Variants in ELF2 observed in about 807,000 individuals in gnomAD.
ELF2 encodes the protein ETS-related transcription factor Elf-2.
ELF2 carries 11 observed loss-of-function variants against 54.8 expected under a neutral mutation model. The ratio of observed to expected loss-of-function variants is 0.20; its 90% CI spans 0.13 to 0.33. The LOEUF is 0.33. ELF2 is among the 10% of genes least tolerant of loss of function. The pLI is 1.00. For synonymous variants in ELF2, 203 were observed against 245.1 expected (o/e 0.83, Z 1.61); for missense variants, 513 against 703.0 (o/e 0.73, Z 3.06).
intron 1 of ELF2, among the ~76,000 whole-genome samples, chr4:139,153,700 A>T (rs1740247068): frequency 6.6e-6 from 1 of 152,174 alleles, no homozygotes; most frequent in Admixed American, 6.5e-5. Context: ...TCACCCTGAC[A>T]ATATAAATTA....
chr4:139,135,237 A>ATGTGTGTGTG (rs61122327), intron 3 of ELF2, among the ~76,000 whole-genome samples: 12 of 112,398 alleles, frequency 1.1e-4, no homozygotes, highest in African/African-American at 2.7e-4. Context: ...TACTATATAT[A>ATGTGTGTGTG]TGTGTGTGTG....
intron 7 of ELF2, among the ~76,000 whole-genome samples, chr4:139,062,973 TGGC>T (rs2148665939): frequency 6.6e-6 from 1 of 152,194 alleles, no homozygotes; most frequent in African/African-American, 2.4e-5. Flanking sequence ...ACATTACTGT[TGGC>T]GGGGTGTGGT....
Position 139,137,803 on chromosome 4 carries a change from C to A in ELF2, c.-102G>T. The A allele has an allele frequency of 6.6e-7, 1 of 1,522,508 alleles. No individual in the cohort carries two copies. The allele number at this position is 1,522,508 out of a possible 1,614,324, so 94.3% of individuals were successfully genotyped here. A position where few individuals can be genotyped will look rare whatever the true frequency, so the allele number is the denominator to read the frequency against. On this transcript the variant is annotated 5_prime_UTR_variant, in exon 3 of 10. It removes the in-frame stop codon of an upstream open reading frame in the 5' UTR. Coordinates refer to ENST00000686138, the MANE Select transcript of ELF2 (RefSeq NM_001331036.3). ...GTTTGCATTATCATGTTTTAAAAGT[C>A]AATAGAGATGGAGTGGAGTAGATAT...
At chr4:139,068,166 G>A (rs905097517) in intron 6 of ELF2, among the ~76,000 whole-genome samples, 3 of 152,024 alleles carry the variant, frequency 2.0e-5, no homozygotes, top group Non-Finnish European at 2.9e-5. Context: ...GACTACAGGC[G>A]CCTGCTACCA....
At chr4:139,174,059 T>C (rs1231789549) in intron 1 of ELF2, among the ~76,000 whole-genome samples, 1 of 124,128 alleles carries the variant, frequency 8.1e-6, no homozygotes, top group African/African-American at 3.0e-5. Flanking sequence ...CCATCTCTAC[T>C]AAAAATACAA....
chr4:139,151,080 GA>G lies in ELF2; in HGVS notation c.-251-11584del, dbSNP rs1257335460. ...AGAAAGAAAGAAAGAAAGAAAGAAA[GA>G]AAGAAAGAAAGAAAAAGAGAGCTAT... On this transcript the variant is annotated intron_variant, in intron 1 of 9. Transcript: ENST00000686138. 1.6e-5 allele frequency among the ~76,000 whole-genome samples: 2 copies of G among 126,500 alleles called. 1 individual carries two copies. Among genetic ancestry groups the G allele is most frequent in the African/African-American group, 5.8e-5 (2 of 34,412 alleles). The allele number at this position is 126,500 out of a possible 152,430, so 83.0% of individuals were successfully genotyped here.
chr4:139,085,069 A>C (rs1731827733), intron 4 of ELF2, among the ~76,000 whole-genome samples: 1 of 152,226 alleles, frequency 6.6e-6, no homozygotes, highest in African/African-American at 2.4e-5. Context: ...GCTCACTTGG[A>C]AACAAATTTA....
intron 1 of ELF2, among the ~76,000 whole-genome samples, chr4:139,171,162 AG>A (rs1322524167): frequency 6.6e-6 from 1 of 152,164 alleles, no homozygotes; most frequent in African/African-American, 2.4e-5. Context: ...CCAACGCAGG[AG>A]GATTGCTTGA....
intron 4 of ELF2, chr4:139,084,190 T>C (rs1457140661): frequency 6.2e-7 from 1 of 1,613,338 alleles, no homozygotes; most frequent in Non-Finnish European, 8.5e-7. Flanking sequence ...GACGTCGCCA[T>C]GTTTATCCCG....
rs557556846 is a variant in ELF2 at position 139,106,799 on chromosome 4, A to C, written c.238+18365T>G. Among the ~76,000 whole-genome samples the C allele has an allele frequency of 2.0e-5, 3 of 147,296 alleles. No individual in the cohort carries two copies. The East Asian group carries it at 6.0e-4, about 29-fold the overall frequency. On this transcript the variant is annotated intron_variant, in intron 4 of 9. Coordinates refer to ENST00000686138, the MANE Select transcript of ELF2 (RefSeq NM_001331036.3). ...GCTCTTGTTGCCCAGGCTGGAGTGC[A>C]ATGGCTTGATCTCGGCTCACTGCAA...
At chr4:139,134,726 T>C (rs946367456) in intron 3 of ELF2, among the ~76,000 whole-genome samples, 1 of 151,382 alleles carries the variant, frequency 6.6e-6, no homozygotes, top group African/African-American at 2.4e-5. Flanking sequence ...GTCTCCCCAA[T>C]ATAGAAATGG....
intron 7 of ELF2, among the ~76,000 whole-genome samples, chr4:139,063,487 C>T (rs1042196262): frequency 6.6e-6 from 1 of 152,096 alleles, no homozygotes; most frequent in Non-Finnish European, 1.5e-5. Context: ...CTCTGGATCA[C>T]ACTACTAGTA....
rs1196674502 is a variant in ELF2 at position 139,177,015 on chromosome 4, G to A, written c.-300C>T. 6.6e-6 allele frequency: 1 copy of A among 152,296 alleles called. No individual in the cohort carries two copies. The highest frequency in any genetic ancestry group is 1.5e-5 in the Non-Finnish European group (1 of 68,156). 9.4% of individuals were successfully genotyped at this position (152,296 alleles called of 1,614,324 possible). ...GACCGCGGCGTCCTTTTCCCTCTCA[G>A]CAGGGCCGCGGACTAGCCGCCGCCG... On this transcript the variant is annotated 5_prime_UTR_variant, in exon 1 of 10. Transcript: ENST00000686138.
intron 4 of ELF2, among the ~76,000 whole-genome samples, chr4:139,090,433 C>T (rs2148755199): frequency 6.6e-6 from 1 of 152,152 alleles, no homozygotes; most frequent in Admixed American, 6.5e-5. Context: ...AATATTTTTT[C>T]AAATACTTAC....
intron 1 of ELF2, among the ~76,000 whole-genome samples, chr4:139,139,712 A>G (rs1337695459): frequency 6.6e-6 from 1 of 152,156 alleles, no homozygotes; most frequent in African/African-American, 2.4e-5. Context: ...TCACCACTAC[A>G]TAACAAATAT....
chr4:139,083,873 G>A (rs1213465303), intron 4 of ELF2, among the ~76,000 whole-genome samples: 5 of 152,194 alleles, frequency 3.3e-5, no homozygotes, highest in Non-Finnish European at 7.3e-5. Flanking sequence ...CGCTCAGCCC[G>A]GCAGCTGCTG....
intron 3 of ELF2, among the ~76,000 whole-genome samples, chr4:139,128,393 A>G (rs1384853520): frequency 1.3e-5 from 2 of 152,342 alleles, no homozygotes; most frequent in Admixed American, 6.5e-5. Flanking sequence ...CTGAACTTTA[A>G]CTGATCGATC....
At chr4:139,094,618 C>T (rs553991787) in intron 4 of ELF2, among the ~76,000 whole-genome samples, 2 of 152,030 alleles carry the variant, frequency 1.3e-5, no homozygotes, top group Admixed American at 1.3e-4. Context: ...ATACATAACA[C>T]CATTTATATA....
chr4:139,170,208 C>T (rs545205728), intron 1 of ELF2, among the ~76,000 whole-genome samples: 168 of 150,262 alleles, frequency 1.1e-3, no homozygotes, highest in Non-Finnish European at 2.2e-3. Context: ...AATTTAGAAA[C>T]CACACTTCAT....
Sources: gnomAD v4.1 joint callset for allele counts (sites outside exome capture counted in the v4.1 genomes callset) on GRCh38, gnomAD v4.1.1 for gene constraint, MANE v1.5 for transcripts, NCBI Gene and HGNC (gene_info 2026-07-23, HGNC 2026-07-21) for gene names.